NLK: variants seen among roughly 807,000 people sequenced by gnomAD.
NLK encodes serine/threonine-protein kinase NLK.
Under a neutral mutation model 59.0 loss-of-function variants are expected in NLK, and 11 were observed. That is an observed-to-expected ratio of 0.19 (90% CI 0.12 to 0.31). The LOEUF (loss-of-function observed/expected upper bound fraction) is 0.31. Among genes scored for constraint, NLK ranks in the 10% least tolerant of loss-of-function variants. The pLI is 1.00. For synonymous variants in NLK, 235 were observed against 235.9 expected, an observed-to-expected ratio of 1.00 and a Z score of 0.03; for missense variants, 410 against 661.1, an observed-to-expected ratio of 0.62 and a Z score of 4.16.
intron 3 of NLK, among the ~76,000 whole-genome samples, chr17:28,135,730 A>G (rs1906718363): frequency 6.6e-6 from 1 of 152,232 alleles, no homozygotes; most frequent in Admixed American, 6.5e-5. Context: ...AATGCCAAAG[A>G]TATTTAGGTT....
At chr17:28,201,382 C>T in the NLK span, among the ~76,000 whole-genome samples, 6 of 126,884 alleles carry the variant, frequency 4.7e-5, no homozygotes, top group Admixed American at 1.7e-4. Flanking sequence ...TGCACCTGGT[C>T]TTTTTTTTTT....
intron 7 of NLK, among the ~76,000 whole-genome samples, chr17:28,184,182 C>T (rs762644961): frequency 5.9e-5 from 9 of 152,206 alleles, no homozygotes; most frequent in Non-Finnish European, 1.3e-4. Flanking sequence ...ACCATCAAAA[C>T]CAATGGTGTA....
chr17:28,205,602 G>C, the NLK span, among the ~76,000 whole-genome samples: 5 of 152,118 alleles, frequency 3.3e-5, no homozygotes, highest in Non-Finnish European at 7.4e-5. Context: ...GTTGTTTCTT[G>C]GTTGTTTTTT....
intron 3 of NLK, among the ~76,000 whole-genome samples, chr17:28,144,396 CAAAAAAA>C (rs984366292): frequency 6.1e-5 from 5 of 81,588 alleles, no homozygotes; most frequent in East Asian, 2.7e-4. Context: ...CAGGTGAAGC[CAAAAAAA>C]AAAAAAAAAA....
intron 1 of NLK, among the ~76,000 whole-genome samples, chr17:28,111,861 CGTGTGTGTGTGTGTGT>C (rs144479598): frequency 1.3e-5 from 1 of 74,076 alleles, no homozygotes; most frequent in African/African-American, 5.2e-5. Flanking sequence ...AGGCTTATAC[CGTGTGTGTGTGTGTGT>C]GTGTGTGTGT....
At chr17:28,061,129 C>T (rs1034983763) in intron 1 of NLK, among the ~76,000 whole-genome samples, 19 of 152,152 alleles carry the variant, frequency 1.2e-4, no homozygotes, top group African/African-American at 3.9e-4. Context: ...TCAAGCGATC[C>T]TCCACAGCCT....
chr17:28,174,205 T>TA (rs201538445), intron 7 of NLK, among the ~76,000 whole-genome samples: 2 of 151,518 alleles, frequency 1.3e-5, no homozygotes, highest in African/African-American at 2.4e-5. Flanking sequence ...TTCCATGAAA[T>TA]AAAAAAAGGG....
chr17:28,164,072 T>C (rs946880735), intron 5 of NLK, among the ~76,000 whole-genome samples: 1 of 152,086 alleles, frequency 6.6e-6, no homozygotes, highest in Non-Finnish European at 1.5e-5. Flanking sequence ...GAAACATATT[T>C]AAAAGGGATA....
Position 28,194,715 on chromosome 17 carries a change from C to A in NLK, c.*79C>A. 3 of 870,454 alleles carry A rather than the reference C, an allele frequency of 3.4e-6. No individual in the cohort carries two copies. Among genetic ancestry groups the A allele is most frequent in the Non-Finnish European group, 5.3e-6 (3 of 565,788 alleles). 53.9% of individuals were successfully genotyped at this position (870,454 alleles called of 1,614,324 possible). A position where few individuals can be genotyped will look rare whatever the true frequency, so the allele number is the denominator to read the frequency against. ...GGGATTTGCAATTCTGGAGGTTAAT[C>A]ATGCTTGTACTGTAATTTTACTAAT... On this transcript the variant is annotated 3_prime_UTR_variant, in exon 11 of 11. Transcript: ENST00000407008.
chr17:28,111,629 CATT>C (rs1457412570), intron 1 of NLK, among the ~76,000 whole-genome samples: 1 of 152,080 alleles, frequency 6.6e-6, no homozygotes, highest in Non-Finnish European at 1.5e-5. Context: ...TGACGGTTGT[CATT>C]ATTGTTGTTA....
chr17:28,189,681 A>G (rs1465591795), intron 8 of NLK, among the ~76,000 whole-genome samples: 2 of 152,244 alleles, frequency 1.3e-5, no homozygotes, highest in African/African-American at 4.8e-5. Context: ...TTGGGTTCAA[A>G]CAGTGGAACA....
chr17:28,142,584 T>C (rs1462174470), intron 3 of NLK, among the ~76,000 whole-genome samples: 2 of 152,196 alleles, frequency 1.3e-5, no homozygotes, highest in African/African-American at 4.8e-5. Flanking sequence ...GTGGAAAGCA[T>C]TGTTTGAAAT....
At chr17:28,185,373 A>C in intron 8 of NLK, 108 bp downstream of exon 8, 1 of 677,822 alleles carries the variant, frequency 1.5e-6, no homozygotes, top group Non-Finnish European at 2.4e-6. Flanking sequence ...TACTTTTCAG[A>C]ATATAAACTT....
intron 3 of NLK, among the ~76,000 whole-genome samples, chr17:28,147,033 C>A (rs1597709270): frequency 6.6e-6 from 1 of 152,158 alleles, no homozygotes; most frequent in South Asian, 2.1e-4. Flanking sequence ...ACATTAAAAT[C>A]TTTTTGCACC....
At chr17:28,071,145 A>C (rs1909995501) in intron 1 of NLK, among the ~76,000 whole-genome samples, 1 of 152,258 alleles carries the variant, frequency 6.6e-6, no homozygotes, top group Admixed American at 6.5e-5. Context: ...GTCTACAGAC[A>C]GTACCAAATG....
intron 1 of NLK, among the ~76,000 whole-genome samples, chr17:28,105,188 G>A (rs577696236): frequency 2.6e-5 from 4 of 152,250 alleles, no homozygotes; most frequent in Admixed American, 2.6e-4. Context: ...ACAGCTAAAG[G>A]GAAAGGAAAC....
chr17:28,066,424 A>G (rs552455255), intron 1 of NLK, among the ~76,000 whole-genome samples: 13 of 152,382 alleles, frequency 8.5e-5, no homozygotes, highest in South Asian at 6.2e-4. Context: ...TCCAGTGGGC[A>G]CATTTCAGTC....
chr17:28,133,758 C>T (rs1475156935), intron 3 of NLK, among the ~76,000 whole-genome samples: 1 of 152,048 alleles, frequency 6.6e-6, no homozygotes, highest in Non-Finnish European at 1.5e-5. Context: ...ATACTTTAGG[C>T]CTATGACTCA....
intron 1 of NLK, among the ~76,000 whole-genome samples, chr17:28,094,480 A>G (rs1468856000): frequency 6.6e-6 from 1 of 152,186 alleles, no homozygotes; most frequent in Non-Finnish European, 1.5e-5. Context: ...AGAGGAAGGT[A>G]GTATTGGGAG....
Sources: gnomAD v4.1 joint callset for allele counts (sites outside exome capture counted in the v4.1 genomes callset) on GRCh38, gnomAD v4.1.1 for gene constraint, MANE v1.5 for transcripts, NCBI Gene and HGNC (gene_info 2026-07-23, HGNC 2026-07-21) for gene names.